The following UNC5D variants were observed in gnomAD, a reference collection of about 807,000 sequenced individuals.
UNC5D encodes netrin receptor UNC5D.
Under a neutral mutation model 105.4 loss-of-function variants are expected in UNC5D, and 39 were observed. The observed-to-expected ratio is 0.37, with a 90% confidence interval of 0.29 to 0.48. The LOEUF is 0.48. Among genes scored for constraint, UNC5D ranks in the 20% least tolerant of loss-of-function variants. The pLI, the probability that UNC5D is intolerant of heterozygous loss-of-function variation, is 0.98. For missense variants in UNC5D, 991 were observed against 1,202.4 expected, an observed-to-expected ratio of 0.82 and a Z score of 2.60; for synonymous variants, 452 against 450.4, an observed-to-expected ratio of 1.00 and a Z score of -0.04.
At chr8:35,605,493 G>C (rs1820228441) in intron 4 of UNC5D, among the ~76,000 whole-genome samples, 1 of 152,178 alleles carries the variant, frequency 6.6e-6, no homozygotes, top group Admixed American at 6.5e-5. Flanking sequence ...TGGCGGTCAG[G>C]GACCCACTTG....
At chr8:35,383,279 T>C (rs1803154326) in intron 1 of UNC5D, among the ~76,000 whole-genome samples, 1 of 152,086 alleles carries the variant, frequency 6.6e-6, no homozygotes, top group Admixed American at 6.6e-5. Flanking sequence ...ACTCTGCCAT[T>C]TCCTCCATAC....
chr8:35,485,090 T>C (rs1229140114), intron 1 of UNC5D, among the ~76,000 whole-genome samples: 1 of 152,182 alleles, frequency 6.6e-6, no homozygotes, highest in African/African-American at 2.4e-5. Flanking sequence ...TTTCATTGGA[T>C]CGCTCTCCCC....
At chr8:35,428,931 CAAAG>C (rs951694892) in intron 1 of UNC5D, among the ~76,000 whole-genome samples, 27 of 152,084 alleles carry the variant, frequency 1.8e-4, no homozygotes, top group Non-Finnish European at 3.1e-4. Context: ...AGACAATTCA[CAAAG>C]AAATCTAATA....
rs140340629 is a variant in UNC5D, at chr8:35,472,696, C to T, written c.104-76596C>T. On this transcript the variant is annotated intron_variant, in intron 1 of 16. Coordinates refer to ENST00000404895, the MANE Select transcript of UNC5D (RefSeq NM_080872.4). The stretch of plus-strand genomic sequence containing the variant: ...ATACTCTTTGTTCAGAAACCCTGAA[C>T]GGAGAATCCTGTTGAAGCTCAAAAG... Among the ~76,000 whole-genome samples, 497 of 152,250 alleles carry T rather than the reference C, an allele frequency of 3.3e-3. 5 individuals are homozygous for T. The highest frequency in any genetic ancestry group is 0.011 in the African/African-American group (452 of 41,548).
intron 9 of UNC5D, among the ~76,000 whole-genome samples, chr8:35,725,628 G>C (rs1467898483): frequency 6.6e-6 from 1 of 152,048 alleles, no homozygotes; most frequent in African/African-American, 2.4e-5. Context: ...TTCCTCCCCA[G>C]CTCCAGAATC....
chr8:35,737,252 C>CTGTG (rs369792188), intron 11 of UNC5D, among the ~76,000 whole-genome samples: 10,090 of 119,760 alleles, frequency 0.084, 401 homozygotes, highest in Non-Finnish European at 0.094. Flanking sequence ...AAGATCTGCT[C>CTGTG]TGTGTGTGTG....
rs575218872 is a variant in UNC5D, at chr8:35,790,979, A to G, written c.*416A>G. The G allele has an allele frequency of 1.0e-5, 2 of 196,266 alleles. No individual in the cohort carries two copies. Among genetic ancestry groups the G allele is most frequent in the East Asian group, 2.3e-4 (2 of 8,640 alleles). 12.2% of individuals were successfully genotyped at this position (196,266 alleles called of 1,614,324 possible). On this transcript the variant is annotated 3_prime_UTR_variant, in exon 17 of 17. Transcript: ENST00000404895. ...TGGTACTAGATTGTCAGAGTTTTCT[A>G]CCAACTGGCATCTGTGATGTCAGAG...
At chr8:35,533,510 G>A (rs1814571882) in intron 1 of UNC5D, among the ~76,000 whole-genome samples, 1 of 152,200 alleles carries the variant, frequency 6.6e-6, no homozygotes, top group South Asian at 2.1e-4. Flanking sequence ...GTTTGTCTGT[G>A]CCCTGCCCCC....
chr8:35,546,276 C>A (rs1306817349), intron 1 of UNC5D, among the ~76,000 whole-genome samples: 1 of 152,158 alleles, frequency 6.6e-6, no homozygotes, highest in East Asian at 1.9e-4. Flanking sequence ...CTCCTGCTTT[C>A]TTTCAGATGC....
chr8:35,644,335 G>A (rs1463335236), intron 4 of UNC5D, among the ~76,000 whole-genome samples: 3 of 152,048 alleles, frequency 2.0e-5, no homozygotes, highest in Non-Finnish European at 4.4e-5. Context: ...AGCACTTAAA[G>A]CCCTTTTTTC....
At chr8:35,786,356 G>C (rs1417155019) in intron 16 of UNC5D, among the ~76,000 whole-genome samples, 3 of 152,170 alleles carry the variant, frequency 2.0e-5, no homozygotes, top group Admixed American at 2.0e-4. Flanking sequence ...CCTGTGCCAG[G>C]AGAGTTAGGT....
chr8:35,569,678 T>A (rs2130791697), intron 3 of UNC5D, among the ~76,000 whole-genome samples: 1 of 152,306 alleles, frequency 6.6e-6, no homozygotes, highest in Non-Finnish European at 1.5e-5. Flanking sequence ...TTTTATGACT[T>A]TAAAGTAGCA....
chr8:35,684,473 G>A (rs1052393137), intron 5 of UNC5D, 109 bp from the exon 6 acceptor site: 59 of 1,352,008 alleles, frequency 4.4e-5, no homozygotes, highest in African/African-American at 2.9e-4. Flanking sequence ...ACAGTCTCTC[G>A]GTCCCTGGAT....
At chr8:35,489,498 C>A (rs189657102) in intron 1 of UNC5D, among the ~76,000 whole-genome samples, 1 of 152,080 alleles carries the variant, frequency 6.6e-6, no homozygotes, top group African/African-American at 2.4e-5. Context: ...TGTCCTTATA[C>A]GAATAGAAAT....
At chr8:35,513,089 G>T (rs540700109) in intron 1 of UNC5D, among the ~76,000 whole-genome samples, 3 of 151,952 alleles carry the variant, frequency 2.0e-5, no homozygotes, top group East Asian at 1.9e-4. Context: ...GCTTTCTTTG[G>T]TTTTTCTAGT....
intron 4 of UNC5D, among the ~76,000 whole-genome samples, chr8:35,683,168 A>G (rs565810729): frequency 6.6e-6 from 1 of 152,330 alleles, no homozygotes; most frequent in South Asian, 2.1e-4. Flanking sequence ...CTACATTTAT[A>G]TGTTAATTTT....
intron 1 of UNC5D, among the ~76,000 whole-genome samples, chr8:35,335,600 A>G (rs1170974460): frequency 6.6e-6 from 1 of 152,114 alleles, no homozygotes; most frequent in African/African-American, 2.4e-5. Flanking sequence ...TTCATTTGAT[A>G]AATGATTGTT....
chr8:35,339,141 T>A (rs1174010943), intron 1 of UNC5D, among the ~76,000 whole-genome samples: 1 of 152,218 alleles, frequency 6.6e-6, no homozygotes, highest in Non-Finnish European at 1.5e-5. Flanking sequence ...TAACTCTACC[T>A]TTGAATACAA....
At chr8:35,428,735 A>T (rs1273354327) in intron 1 of UNC5D, among the ~76,000 whole-genome samples, 1 of 152,042 alleles carries the variant, frequency 6.6e-6, no homozygotes, top group Non-Finnish European at 1.5e-5. Context: ...GGGTTTTCTA[A>T]CATCACTTAA....
Sources: gnomAD v4.1 joint callset for allele counts (sites outside exome capture counted in the v4.1 genomes callset) on GRCh38, gnomAD v4.1.1 for gene constraint, MANE v1.5 for transcripts, NCBI Gene and HGNC (gene_info 2026-07-23, HGNC 2026-07-21) for gene names.